Variants in KPLCE observed in about 807,000 individuals in gnomAD.
KPLCE encodes the protein protein KPLCE.
At chr1:152,720,453 G>T in the KPLCE span, 2 of 592,170 alleles carry the variant, frequency 3.4e-6, no homozygotes, top group Non-Finnish European at 6.1e-6. Flanking sequence ...ACTTTGGCAT[G>T]AATAAAGCTC....
the KPLCE span, chr1:152,720,306 C>T: frequency 1.4e-6 from 2 of 1,469,442 alleles, no homozygotes; most frequent in East Asian, 2.5e-5. Flanking sequence ...GAATGCACTG[C>T]CCCGCTACCC....
the KPLCE span, chr1:152,720,139 C>T: frequency 6.4e-7 from 1 of 1,551,614 alleles, no homozygotes; most frequent in Admixed American, 2.0e-5. Context: ...ATTCGGGAAG[C>T]TCTGGATGCT....
chr1:152,719,801 C>T, the KPLCE span: 1 of 1,551,472 alleles, frequency 6.4e-7, no homozygotes, highest in African/African-American at 1.4e-5. Flanking sequence ...GTGCCCAGCT[C>T]CCTGCCAGAC....
At chr1:152,720,075 G>A in the KPLCE span, 7 of 1,551,730 alleles carry the variant, frequency 4.5e-6, no homozygotes, top group African/African-American at 5.5e-5. Context: ...CCCCTGAGAC[G>A]CTGGATTCAG....
the KPLCE span, chr1:152,719,817 A>G: frequency 1.9e-6 from 3 of 1,551,902 alleles, no homozygotes; most frequent in Middle Eastern, 3.3e-4. Flanking sequence ...CAGACAACCT[A>G]TGTAAAATGC....
At chr1:152,720,305 G>T in the KPLCE span, 524,861 of 1,488,590 alleles carry the variant, frequency 0.35, 95,561 homozygotes, top group African/African-American at 0.51. Flanking sequence ...AGAATGCACT[G>T]CCCCGCTACC....
chr1:152,719,540 C>T, the KPLCE span: 1 of 1,551,444 alleles, frequency 6.4e-7, no homozygotes, highest in Non-Finnish European at 8.7e-7. Flanking sequence ...CCAGCAGAAG[C>T]AGCCACAGTT....
chr1:152,720,424 G>A, the KPLCE span: 1 of 660,860 alleles, frequency 1.5e-6, no homozygotes, highest in Non-Finnish European at 2.6e-6. Flanking sequence ...CAGCCTGCCA[G>A]AGTTAGTACA....
chr1:152,719,815 C>T, the KPLCE span: 1 of 1,551,752 alleles, frequency 6.4e-7, no homozygotes, highest in Admixed American at 2.0e-5. Flanking sequence ...GCCAGACAAC[C>T]TATGTAAAAT....
the KPLCE span, chr1:152,719,752 C>A: frequency 6.4e-7 from 1 of 1,551,958 alleles, no homozygotes; most frequent in Middle Eastern, 1.7e-4. Flanking sequence ...GCCAGAGGAC[C>A]TATGTGAAAT....
chr1:152,720,357 G>C, the KPLCE span: 5 of 1,147,992 alleles, frequency 4.4e-6, 1 homozygote, highest in Non-Finnish European at 4.9e-6. Context: ...CTCTCTGTTA[G>C]TGCCAGTGAT....
At chr1:152,720,242 T>C in the KPLCE span, 2 of 1,550,414 alleles carry the variant, frequency 1.3e-6, no homozygotes, top group Non-Finnish European at 1.7e-6. Context: ...AGGTCCTGCA[T>C]GCTGTGACCA....
At chr1:152,720,374 C>T in the KPLCE span, 29 of 1,009,366 alleles carry the variant, frequency 2.9e-5, no homozygotes, top group Admixed American at 5.4e-5. Context: ...TGATGTAGAA[C>T]CTCATCACTT....
At chr1:152,719,658 G>T in the KPLCE span, 1 of 1,552,196 alleles carries the variant, frequency 6.4e-7, no homozygotes, top group Non-Finnish European at 8.7e-7. Context: ...TGTGTGACAG[G>T]CCCTGCTCCA....
At chr1:152,719,604 G>A in the KPLCE span, 2 of 1,551,916 alleles carry the variant, frequency 1.3e-6, no homozygotes, top group Non-Finnish European at 8.7e-7. Flanking sequence ...GGTAGCAATG[G>A]TGCCTCTGTG....
chr1:152,719,588 G>A, the KPLCE span: 1 of 1,551,816 alleles, frequency 6.4e-7, no homozygotes. Context: ...ACTAGGGGCT[G>A]GGCAGGGTAG....
the KPLCE span, chr1:152,719,732 C>T: frequency 1.3e-6 from 2 of 1,551,926 alleles, no homozygotes; most frequent in Middle Eastern, 3.3e-4. Context: ...CGTGAAGTGC[C>T]CAGCTCCCTG....
the KPLCE span, chr1:152,720,221 A>G: frequency 1.1e-4 from 174 of 1,551,602 alleles, no homozygotes; most frequent in African/African-American, 1.9e-3. Flanking sequence ...AATTATCCCC[A>G]TGAGGTCCCG....
At chr1:152,720,011 G>T in the KPLCE span, 3 of 1,551,652 alleles carry the variant, frequency 1.9e-6, no homozygotes, top group South Asian at 1.2e-5. Context: ...CCCATGCTCT[G>T]CTCCCTGTTC....
Sources: gnomAD v4.1 joint callset for allele counts on GRCh38, gnomAD v4.1.1 for gene constraint, MANE v1.5 for transcripts, NCBI Gene and HGNC (gene_info 2026-07-23, HGNC 2026-07-21) for gene names.